Variants in ANKS1B observed in about 807,000 individuals in gnomAD.
The protein encoded by ANKS1B is ankyrin repeat and sterile alpha motif domain containing 1B.
Under a neutral mutation model 148.3 loss-of-function variants are expected in ANKS1B, and 36 were observed. That is an observed-to-expected ratio of 0.24 (90% CI 0.19 to 0.32). The LOEUF (loss-of-function observed/expected upper bound fraction) is 0.32, where lower values mean the gene tolerates loss of function less well. Among genes scored for constraint, ANKS1B ranks in the 10% least tolerant of loss-of-function variants. ANKS1B has a pLI of 1.00. For missense variants in ANKS1B, 1,157 were observed against 1,542.6 expected, an observed-to-expected ratio of 0.75 and a Z score of 4.19; for synonymous variants, 542 against 560.8, an observed-to-expected ratio of 0.97 and a Z score of 0.47.
intron 14 of ANKS1B, among the ~76,000 whole-genome samples, chr12:99,219,644 A>C (rs1249537967): frequency 6.6e-6 from 1 of 152,232 alleles, no homozygotes; most frequent in African/African-American, 2.4e-5. Flanking sequence ...TGCCTTTCAC[A>C]ATGACAGTCA....
At position 99,825,278 on chromosome 12, in the gene ANKS1B, A is replaced by T. The variant is rs753252455; in HGVS notation, c.215+31T>A. The T allele has an allele frequency of 2.6e-6, 4 of 1,568,474 alleles. No individual in the cohort carries two copies. In the South Asian group the frequency reaches 4.6e-5, roughly 18 times the overall value. On this transcript the variant is annotated intron_variant, in intron 2 of 26. Coordinates refer to ENST00000683438, the MANE Select transcript of ANKS1B (RefSeq NM_001352186.2). ...AACTTCATCACATGTAACTAAATAC[A>T]CACGATTCCGTCCAAATAAGTGGCA...
chr12:99,370,605 T>C (rs1200874321), intron 12 of ANKS1B, among the ~76,000 whole-genome samples: 1 of 152,168 alleles, frequency 6.6e-6, no homozygotes, highest in Non-Finnish European at 1.5e-5. Context: ...GCCCTCTGGA[T>C]GGAAGGTAAT....
intron 15 of ANKS1B, among the ~76,000 whole-genome samples, chr12:99,126,555 G>C (rs568055306): frequency 6.6e-6 from 1 of 152,198 alleles, no homozygotes; most frequent in African/African-American, 2.4e-5. Context: ...GCATGGCGAA[G>C]ATATGTCATG....
intron 10 of ANKS1B, among the ~76,000 whole-genome samples, chr12:99,499,075 G>A (rs1358433101): frequency 3.9e-5 from 6 of 152,178 alleles, no homozygotes; most frequent in African/African-American, 1.4e-4. Context: ...AGAAGTAACA[G>A]TTATGTTGAT....
At chr12:99,605,349 T>C (rs1587503) in intron 9 of ANKS1B, among the ~76,000 whole-genome samples, 101,722 of 151,840 alleles carry the variant, frequency 0.67, 34,301 homozygotes, top group Admixed American at 0.74. Flanking sequence ...AAAAATCCTC[T>C]CTTCTAGCTA....
At chr12:99,463,482 C>A (rs12316777) in intron 10 of ANKS1B, among the ~76,000 whole-genome samples, 1 of 152,112 alleles carries the variant, frequency 6.6e-6, no homozygotes, top group East Asian at 1.9e-4. Context: ...CGAAGCAGGG[C>A]GAGGCATTGC....
intron 9 of ANKS1B, among the ~76,000 whole-genome samples, chr12:99,513,194 T>C (rs1408819650): frequency 6.6e-6 from 1 of 152,040 alleles, no homozygotes; most frequent in Non-Finnish European, 1.5e-5. Context: ...ATCGTTGGCA[T>C]GTTTTAGTAA....
intron 17 of ANKS1B, among the ~76,000 whole-genome samples, chr12:98,904,048 A>C (rs1215760790): frequency 1.3e-5 from 2 of 151,994 alleles, no homozygotes; most frequent in Non-Finnish European, 1.5e-5. Context: ...TCAAATTAAA[A>C]ATTTGAAAAT....
chr12:98,753,525 T>C (rs930711970), intron 25 of ANKS1B, among the ~76,000 whole-genome samples: 3 of 152,150 alleles, frequency 2.0e-5, no homozygotes, highest in Non-Finnish European at 2.9e-5. Context: ...CCTCTTGGGT[T>C]CAAGTAATTC....
chr12:98,974,151 G>C (rs772195496), intron 17 of ANKS1B, among the ~76,000 whole-genome samples: 2 of 152,158 alleles, frequency 1.3e-5, no homozygotes, highest in African/African-American at 2.4e-5. Flanking sequence ...AACTCGAAAA[G>C]TTAAGAAACT....
intron 15 of ANKS1B, among the ~76,000 whole-genome samples, chr12:99,114,854 G>A (rs1300980345): frequency 6.6e-5 from 10 of 152,012 alleles, no homozygotes; most frequent in Non-Finnish European, 7.4e-5. Context: ...CATACATGGA[G>A]CCAAGAATCA....
intron 17 of ANKS1B, among the ~76,000 whole-genome samples, chr12:98,840,348 T>A (rs2099399081): frequency 6.6e-6 from 1 of 152,186 alleles, no homozygotes; most frequent in Non-Finnish European, 1.5e-5. Context: ...CTTCTGCTAT[T>A]ACTTTCCAAA....
rs139769835 is a variant in ANKS1B at position 99,050,374 on chromosome 12, G to A, written c.2778+2783C>T. On this transcript the variant is annotated intron_variant, in intron 17 of 26. Coordinates refer to ENST00000683438, the MANE Select transcript of ANKS1B (RefSeq NM_001352186.2). ...TGAAGGTTCAGGTCAATATTTGTCC[G>A]TAATTAACATGGACATAATTAATCT... Among the ~76,000 whole-genome samples, 483 of 152,126 alleles carry A rather than the reference G, an allele frequency of 3.2e-3. 4 individuals carry two copies. The highest frequency in any genetic ancestry group is 0.011 in the African/African-American group (452 of 41,484).
intron 17 of ANKS1B, among the ~76,000 whole-genome samples, chr12:98,903,119 C>T (rs968920083): frequency 2.6e-5 from 4 of 152,004 alleles, no homozygotes; most frequent in African/African-American, 9.7e-5. Flanking sequence ...ATTAGAAGGA[C>T]AAAGGAAGAA....
At chr12:99,424,556 T>C (rs2095193686) in intron 11 of ANKS1B, among the ~76,000 whole-genome samples, 1 of 151,880 alleles carries the variant, frequency 6.6e-6, no homozygotes, top group Non-Finnish European at 1.5e-5. Flanking sequence ...ACTATCACTT[T>C]GAGAAACAAT....
chr12:99,053,379 C>A, intron 16 of ANKS1B, 70 bp from the exon 17 acceptor site: 1 of 1,234,450 alleles, frequency 8.1e-7, no homozygotes, highest in South Asian at 2.4e-5. Context: ...TGCAGATTTC[C>A]CCTTGAAAAT....
At position 98,756,723 on chromosome 12, in the gene ANKS1B, CTATCTT is replaced by C. The variant is rs1466109635; in HGVS notation, c.3580-5207_3580-5202del. The stretch of plus-strand genomic sequence containing the variant: ...CCTGGGTGACAGAGCGAGACTCCAT[CTATCTT>C]TTTTTTTTTTTTTTTGAGATGGAGT... On this transcript the variant is annotated intron_variant, in intron 25 of 26. Transcript: ENST00000683438. Among the ~76,000 whole-genome samples, 273 of 147,796 alleles carry C rather than the reference CTATCTT, an allele frequency of 1.8e-3. 1 individual carries two copies. The highest frequency in any genetic ancestry group is 6.4e-3 in the African/African-American group (257 of 40,470).
At chr12:99,230,083 CT>C in intron 14 of ANKS1B, among the ~76,000 whole-genome samples, 1 of 152,120 alleles carries the variant, frequency 6.6e-6, no homozygotes, top group Non-Finnish European at 1.5e-5. Flanking sequence ...TAACTACTTC[CT>C]TATTAATTAC....
At chr12:99,736,808 C>T (rs2059655615) in intron 8 of ANKS1B, among the ~76,000 whole-genome samples, 1 of 151,968 alleles carries the variant, frequency 6.6e-6, no homozygotes, top group African/African-American at 2.4e-5. Context: ...CAACAAGGGA[C>T]TAATATCCAG....
Sources: allele counts gnomAD v4.1 joint callset (sites outside exome capture counted in the v4.1 genomes callset), GRCh38; gene constraint gnomAD v4.1.1; transcripts MANE v1.5; gene names NCBI Gene and HGNC (gene_info 2026-07-23, HGNC 2026-07-21).